Variants in CYP4F8 observed in about 807,000 individuals in gnomAD.
The protein encoded by CYP4F8 is cytochrome P450 family 4 subfamily F member 8.
A neutral mutation model predicts 55.0 loss-of-function variants in CYP4F8; 56 were observed. The ratio of observed to expected loss-of-function variants is 1.02; its 90% CI spans 0.82 to 1.27. CYP4F8 has a LOEUF of 1.27. Ranked by LOEUF, CYP4F8 falls within the 50% of genes most tolerant of loss-of-function variation. CYP4F8 has a pLI of 0.00. For missense variants in CYP4F8, 680 were observed against 682.4 expected (o/e 1.00, Z 0.04); for synonymous variants, 288 against 267.3 (o/e 1.08, Z -0.76).
At chr19:15,622,389 GGT>G in intron 6 of CYP4F8, 49 bp downstream of exon 6, 4 of 1,536,228 alleles carry the variant, frequency 2.6e-6, no homozygotes, top group Non-Finnish European at 1.8e-6. Flanking sequence ...TGGGGGTGTG[GGT>G]GTGGGGAGAG....
intron 9 of CYP4F8, chr19:15,627,595 A>G (rs1423260732): frequency 6.6e-6 from 1 of 152,172 alleles, no homozygotes; most frequent in Non-Finnish European, 1.5e-5. Context: ...AAGTATATTG[A>G]TTAGTTTAGA....
intron 9 of CYP4F8, chr19:15,627,926 T>G: frequency 4.8e-6 from 1 of 207,826 alleles, no homozygotes; most frequent in East Asian, 1.7e-4. Context: ...GCGTGGCTAA[T>G]TTTTGTGTTT....
At position 15,625,862 on chromosome 19, in the gene CYP4F8, T is replaced by A. The variant is rs186343750; in HGVS notation, c.1115+1768T>A. Among the ~76,000 whole-genome samples the A allele has an allele frequency of 2.0e-5, 3 of 152,346 alleles. No individual in the cohort carries two copies. In the East Asian group the frequency reaches 5.8e-4, roughly 29 times the overall value. On this transcript the variant is annotated intron_variant, in intron 9 of 12. Transcript: ENST00000612078. ...TCCTTCCAGCTCTCCATCAGTATGA[T>A]TACAAAATGGTGGATACTTTTATCT...
chr19:15,616,432 C>T (rs1972123292), intron 2 of CYP4F8, among the ~76,000 whole-genome samples: 1 of 152,190 alleles, frequency 6.6e-6, no homozygotes, highest in Non-Finnish European at 1.5e-5. Flanking sequence ...TAGTGAACCT[C>T]TGATGGGTTC....
chr19:15,618,176 A>G, intron 3 of CYP4F8, 32 bp downstream of exon 3: 1 of 1,613,984 alleles, frequency 6.2e-7, no homozygotes, highest in Non-Finnish European at 8.5e-7. Flanking sequence ...TGGTGGGCAC[A>G]GGAGAACATT....
intron 2 of CYP4F8, among the ~76,000 whole-genome samples, chr19:15,616,181 C>T (rs1196207719): frequency 1.3e-5 from 2 of 149,346 alleles, no homozygotes; most frequent in East Asian, 3.9e-4. Flanking sequence ...CCCACTCACT[C>T]ATTCCTCTCC....
chr19:15,623,359 T>C lies in CYP4F8; in HGVS notation c.902T>C (p.Val301Ala). The C allele has an allele frequency of 6.2e-7, 1 of 1,613,538 alleles. No individual in the cohort carries two copies. The highest frequency in any genetic ancestry group is 8.5e-7 in the Non-Finnish European group (1 of 1,179,522). The change falls in exon 7 of 13, where the codon GTG becomes GCG. Residue 301 changes from valine to alanine, a missense_variant. Transcript: ENST00000612078. The stretch of plus-strand genomic sequence containing the variant: ...TCCAAGACTTTGGACTTTATTGATG[T>C]GCTCCTGCTGAGCGAGGTGGGCCTC... ...AKSKTLDFID[V>A]LLLSEDKNGK... is the part of the protein sequence containing the mutation.
At chr19:15,624,766 T>C (rs1296497138) in intron 9 of CYP4F8, among the ~76,000 whole-genome samples, 2 of 152,220 alleles carry the variant, frequency 1.3e-5, no homozygotes, top group Non-Finnish European at 2.9e-5. Context: ...TATAATATTT[T>C]GTTATTTTAA....
chr19:15,620,805 G>A (rs1301778447), intron 5 of CYP4F8, among the ~76,000 whole-genome samples: 2 of 152,218 alleles, frequency 1.3e-5, no homozygotes, highest in South Asian at 2.1e-4. Flanking sequence ...CTTAATGGAA[G>A]TTGCTAAAAA....
intron 3 of CYP4F8, chr19:15,618,615 G>C (rs1178967593): frequency 9.5e-6 from 3 of 314,542 alleles, no homozygotes; most frequent in Non-Finnish European, 1.9e-5. Flanking sequence ...GGGGCAGGGT[G>C]ATGCAGTGGG....
At chr19:15,628,672 C>A in intron 11 of CYP4F8, 77 bp downstream of exon 11, 2 of 1,606,320 alleles carry the variant, frequency 1.2e-6, no homozygotes, top group Admixed American at 3.4e-5. Context: ...CAGATACTCC[C>A]TCTCTACTCC....
intron 5 of CYP4F8, 24 bp downstream of exon 5, chr19:15,619,786 C>T: frequency 6.2e-7 from 1 of 1,611,920 alleles, no homozygotes; most frequent in Non-Finnish European, 8.5e-7. Flanking sequence ...ACTCAGCATC[C>T]CAGCTGCAGC....
Position 15,628,572 on chromosome 19 carries a change from C to G in CYP4F8, c.1291C>G (p.Pro431Ala). The G allele has an allele frequency of 6.2e-7, 1 of 1,613,926 alleles. No homozygotes were observed. The highest frequency in any genetic ancestry group is 1.6e-4 in the Middle Eastern group (1 of 6,062). The change falls in exon 11 of 13, where the codon CCC (proline) becomes GCC (alanine). Residue 431 changes from proline (P) to alanine (A), a missense_variant. By Grantham distance (27) the Pro-to-Ala change is conservative. Coordinates refer to ENST00000612078, the MANE Select transcript of CYP4F8 (RefSeq NM_007253.4). The part of the protein sequence containing the change: ...NINIFAIHHN[P>A]SVWPDPEVYD... ...CAACATCTTCGCAATCCATCACAAC[C>G]CCTCAGTCTGGCCAGACCCTGAGGT...
Position 15,628,337 on chromosome 19 carries a change from G to A in CYP4F8, c.1151G>A (p.Cys384Tyr). 6.2e-7 allele frequency: 1 copy of A among 1,614,060 alleles called. No homozygotes were observed. Among genetic ancestry groups the A allele is most frequent in the South Asian group, 1.1e-5 (1 of 91,078 alleles). The change falls in exon 10 of 13, where the codon TGC (cysteine) becomes TAC (tyrosine). Residue 384 changes from cysteine to tyrosine, a missense_variant. By Grantham distance (194) the Cys-to-Tyr change is radical. Coordinates refer to ENST00000612078, the MANE Select transcript of CYP4F8 (RefSeq NM_007253.4). ...DLAQLPFLTM[C>Y]LKESLRLHPP... is the part of the protein sequence containing the mutation. The stretch of plus-strand genomic sequence containing the variant: ...GCCCAGTTGCCCTTCCTGACCATGT[G>A]CCTGAAGGAGAGCCTGCGGTTGCAT...
At chr19:15,620,005 G>A (rs929988137) in intron 5 of CYP4F8, among the ~76,000 whole-genome samples, 17 of 152,218 alleles carry the variant, frequency 1.1e-4, no homozygotes, top group African/African-American at 3.6e-4. Flanking sequence ...TCTCACAGAA[G>A]CCCTGTAAAC....
chr19:15,622,392 G>A, intron 6 of CYP4F8, 52 bp downstream of exon 6: 2 of 1,545,398 alleles, frequency 1.3e-6, no homozygotes, highest in East Asian at 2.4e-5. Context: ...GGGTGTGGGT[G>A]TGGGGAGAGC....
At chr19:15,617,904 C>T in intron 2 of CYP4F8, 96 bp from the exon 3 acceptor site, 1 of 1,452,696 alleles carries the variant, frequency 6.9e-7, no homozygotes, top group Non-Finnish European at 9.3e-7. Flanking sequence ...AACACTCTCA[C>T]AGACATACCC....
Position 15,622,360 on chromosome 19 carries a change from C to A in CYP4F8, c.647+20C>A, listed in dbSNP as rs1451798457. ...TCAGGAGTGAGTTCTTGCCCAGGGC[C>A]TGGGAACATGGGATGGAGTGGGGGT... On this transcript the variant is annotated intron_variant, in intron 6 of 12. Coordinates refer to ENST00000612078, the MANE Select transcript of CYP4F8 (RefSeq NM_007253.4). 1 of 1,360,504 alleles carries A rather than the reference C, an allele frequency of 7.4e-7. No homozygotes were observed. Among genetic ancestry groups the A allele is most frequent in the South Asian group, 1.1e-5 (1 of 87,110 alleles). 84.3% of individuals were successfully genotyped at this position (1,360,504 alleles called of 1,614,324 possible).
chr19:15,623,436 T>A (rs1053965960), intron 7 of CYP4F8, 61 bp downstream of exon 7: 3 of 1,593,868 alleles, frequency 1.9e-6, no homozygotes, highest in Admixed American at 3.4e-5. Flanking sequence ...AAATGTCAGA[T>A]TGAAGGACCG....
Sources: allele counts gnomAD v4.1 joint callset (sites outside exome capture counted in the v4.1 genomes callset), GRCh38; gene constraint gnomAD v4.1.1; transcripts MANE v1.5; gene names NCBI Gene and HGNC (gene_info 2026-07-23, HGNC 2026-07-21).